Variants in UBAP2 observed in about 807,000 individuals in gnomAD.
The protein encoded by UBAP2 is ubiquitin associated protein 2, also known as ubiquitin-associated protein 2.
In UBAP2, 75 loss-of-function variants were observed where a neutral mutation model predicts 139.6. The ratio of observed to expected loss-of-function variants is 0.54; its 90% CI spans 0.45 to 0.65. UBAP2 has a LOEUF of 0.65. Among genes scored for constraint, UBAP2 ranks in the 30% least tolerant of loss-of-function variants. UBAP2 has a pLI of 0.00. For missense variants in UBAP2, 1,368 were observed against 1,369.6 expected, an observed-to-expected ratio of 1.00 and a Z score of 0.02; for synonymous variants, 526 against 526.2, an observed-to-expected ratio of 1.00 and a Z score of 0.01.
chr9:33,923,505 A>C (rs760854843), intron 24 of UBAP2, 27 bp from the exon 25 acceptor site: 5 of 1,610,206 alleles, frequency 3.1e-6, no homozygotes, highest in Non-Finnish European at 4.2e-6. Flanking sequence ...ATGAGGTATT[A>C]GTGTAGGAAG....
At chr9:33,972,599 ACT>A (rs1195693023) in intron 7 of UBAP2, among the ~76,000 whole-genome samples, 2 of 152,058 alleles carry the variant, frequency 1.3e-5, no homozygotes, top group African/African-American at 4.8e-5. Flanking sequence ...ATGTTTTAAA[ACT>A]CTTCCTAAAA....
At chr9:33,947,285 C>T (rs769992240) in intron 13 of UBAP2, among the ~76,000 whole-genome samples, 9 of 152,126 alleles carry the variant, frequency 5.9e-5, no homozygotes, top group Non-Finnish European at 1.3e-4. Context: ...TAACCATAAA[C>T]CAGCCCACAT....
intron 17 of UBAP2, among the ~76,000 whole-genome samples, chr9:33,935,166 G>GGC (rs1554680827): frequency 7.0e-5 from 4 of 57,392 alleles, no homozygotes; most frequent in African/African-American, 1.2e-4. Flanking sequence ...GAAGTGGCGG[G>GGC]GGGGGGGGGT....
chr9:33,923,573 C>A, intron 24 of UBAP2, 95 bp from the exon 25 acceptor site: 2 of 1,261,746 alleles, frequency 1.6e-6, no homozygotes, highest in Non-Finnish European at 2.3e-6. Context: ...AGGTGACATA[C>A]CCACAACCAC....
At position 33,981,855 on chromosome 9, in the gene UBAP2, G is replaced by GGGAAGGAAGGAA. The variant is rs148902332; in HGVS notation, c.520+4893_520+4904dup. On this transcript the variant is annotated intron_variant, in intron 6 of 28. Transcript: ENST00000379238. ...GGAGGGAAGGGGGGAAAGGGAGGGA[G>GGGAAGGAAGGAA]GGAAGGAAGGAAGGAAGGAAGGAAG... Among the ~76,000 whole-genome samples, 555 of 138,916 alleles carry GGGAAGGAAGGAA rather than the reference G, an allele frequency of 4.0e-3. 3 individuals are homozygous for GGGAAGGAAGGAA. Among genetic ancestry groups the GGGAAGGAAGGAA allele is most frequent in the African/African-American group, 0.015 (521 of 35,760 alleles). The allele number at this position is 138,916 out of a possible 152,430, so 91.1% of individuals were successfully genotyped here.
At chr9:34,021,572 A>C (rs1207763983) in intron 1 of UBAP2, among the ~76,000 whole-genome samples, 1 of 152,076 alleles carries the variant, frequency 6.6e-6, no homozygotes, top group Non-Finnish European at 1.5e-5. Context: ...CACTGTTTTA[A>C]AACTGTGATG....
intron 2 of UBAP2, among the ~76,000 whole-genome samples, chr9:34,016,590 T>C (rs1463035975): frequency 2.0e-5 from 3 of 151,454 alleles, no homozygotes; most frequent in Non-Finnish European, 4.4e-5. Context: ...GAGTCTCGCT[T>C]TGTCACCCAG....
At position 33,999,602 on chromosome 9, in the gene UBAP2, G is replaced by A. The variant is rs1042818275; in HGVS notation, c.100-738C>T. Reference sequence around the variant, plus strand: ...CTAAGAGACAGGGTTTCACTATGTTGCCCAGGCTGGTCTTGAACTCCTGGG... The same window carrying A: ...CTAAGAGACAGGGTTTCACTATGTTACCCAGGCTGGTCTTGAACTCCTGGG... On this transcript the variant is annotated intron_variant, in intron 2 of 28. Coordinates refer to ENST00000379238, the MANE Select transcript of UBAP2 (RefSeq NM_001370062.2). Among the ~76,000 whole-genome samples, 24 of 152,200 alleles carry A rather than the reference G, an allele frequency of 1.6e-4. 1 individual carries two copies. The Middle Eastern group carries it at 0.02, about 129-fold the overall frequency.
At chr9:33,938,111 C>T (rs564462962) in intron 16 of UBAP2, among the ~76,000 whole-genome samples, 1 of 152,028 alleles carries the variant, frequency 6.6e-6, no homozygotes, top group South Asian at 2.1e-4. Flanking sequence ...ATCCTCCCAC[C>T]TCAGCTTCCC....
intron 8 of UBAP2, among the ~76,000 whole-genome samples, chr9:33,965,090 T>G (rs1290389848): frequency 3.3e-5 from 5 of 152,208 alleles, no homozygotes; most frequent in Non-Finnish European, 7.3e-5. Flanking sequence ...TTAATTAACT[T>G]TTTATCTTAA....
chr9:34,042,400 C>T (rs1464920768), intron 1 of UBAP2, among the ~76,000 whole-genome samples: 1 of 148,560 alleles, frequency 6.7e-6, no homozygotes, highest in Non-Finnish European at 1.5e-5. Context: ...TTCGCTTGAA[C>T]TTGGGAGGTG....
chr9:33,948,871 C>A, intron 12 of UBAP2: 1 of 319,660 alleles, frequency 3.1e-6, no homozygotes, highest in Admixed American at 4.2e-5. Context: ...TGATGTTGGC[C>A]GGGCGCGGTG....
chr9:33,944,373 C>A lies in UBAP2; in HGVS notation c.1537G>T (p.Ala513Ser). The A allele has an allele frequency of 4.3e-6, 7 of 1,611,956 alleles. No homozygotes were observed. The highest frequency in any genetic ancestry group is 5.9e-6 in the Non-Finnish European group (7 of 1,178,170). ...IKLAKRRIPP[A>S]SKIPASAVEM... The stretch of plus-strand genomic sequence containing the variant: ...CATGATGAAATGCCCACCTTAGAAG[C>A]TGGGGGTATCCGCCGCTTAGCAAGT... The change falls in exon 14 of 29, where the codon GCT becomes TCT. Residue 513 changes from alanine to serine, a missense_variant. Transcript: ENST00000379238.
intron 1 of UBAP2, among the ~76,000 whole-genome samples, chr9:34,018,451 TA>T (rs914044633): frequency 1.1e-3 from 161 of 145,330 alleles, no homozygotes; most frequent in South Asian, 1.7e-3. Flanking sequence ...GGTGGTTCCT[TA>T]AAAAAAAAAA....
rs1212143318 is a variant in UBAP2 at position 33,981,264 on chromosome 9, GAT to G, written c.520+5494_520+5495del. Among the ~76,000 whole-genome samples, 95 of 70,646 alleles carry G rather than the reference GAT, an allele frequency of 1.3e-3. 4 individuals carry two copies. The highest frequency in any genetic ancestry group is 4.7e-3 in the African/African-American group (70 of 14,830). The allele number at this position is 70,646 out of a possible 152,430, so 46.3% of individuals were successfully genotyped here. Reference sequence around the variant, plus strand: ...ATTCTGGATATATATATATATTCTGGATATATATATATATTCTGGATATATAT... The same window carrying G: ...ATTCTGGATATATATATATATTCTGGATATATATATATTCTGGATATATAT... On this transcript the variant is annotated intron_variant, in intron 6 of 28. Coordinates refer to ENST00000379238, the MANE Select transcript of UBAP2 (RefSeq NM_001370062.2).
intron 2 of UBAP2, among the ~76,000 whole-genome samples, chr9:34,010,650 A>G (rs1461031217): frequency 6.6e-6 from 1 of 152,142 alleles, no homozygotes; most frequent in Non-Finnish European, 1.5e-5. Flanking sequence ...ACTTTTCTTC[A>G]TCTGTGACCA....
intron 17 of UBAP2, 78 bp downstream of exon 17, chr9:33,935,761 T>C (rs770220223): frequency 1.3e-6 from 2 of 1,560,058 alleles, no homozygotes; most frequent in Non-Finnish European, 1.8e-6. Flanking sequence ...ACTGGTGTTT[T>C]CCACATCACG....
intron 1 of UBAP2, among the ~76,000 whole-genome samples, chr9:34,047,422 T>TC (rs1827704059): frequency 6.6e-6 from 1 of 152,196 alleles, no homozygotes; most frequent in Non-Finnish European, 1.5e-5. Flanking sequence ...ACATTCCCTT[T>TC]CCTGAGGTAA....
At chr9:34,031,232 G>A (rs1332240634) in intron 1 of UBAP2, among the ~76,000 whole-genome samples, 1 of 147,666 alleles carries the variant, frequency 6.8e-6, no homozygotes, top group African/African-American at 2.5e-5. Context: ...AGTTGAGATC[G>A]CACTACTGCA....
Sources: allele counts gnomAD v4.1 joint callset (sites outside exome capture counted in the v4.1 genomes callset), GRCh38; gene constraint gnomAD v4.1.1; transcripts MANE v1.5; gene names NCBI Gene and HGNC (gene_info 2026-07-23, HGNC 2026-07-21).